Variants in BPIFB2 observed in about 807,000 individuals in gnomAD.
The protein encoded by BPIFB2 is BPI fold-containing family B member 2.
BPIFB2 carries 39 observed loss-of-function variants against 50.1 expected under a neutral mutation model. The observed-to-expected ratio is 0.78, with a 90% CI of 0.60 to 1.02. BPIFB2 has a LOEUF of 1.02. BPIFB2 is among the 50% of genes least tolerant of loss of function. The pLI, the probability that BPIFB2 is intolerant of heterozygous loss-of-function variation, is 0.00. For missense variants in BPIFB2, 574 were observed against 585.8 expected (o/e 0.98, Z 0.21); for synonymous variants, 280 against 256.3 (o/e 1.09, Z -0.88).
chr20:33,013,316 T>TA (rs1163585376), intron 4 of BPIFB2, among the ~76,000 whole-genome samples: 1 of 152,182 alleles, frequency 6.6e-6, no homozygotes, highest in Non-Finnish European at 1.5e-5. Flanking sequence ...TGGCATCTTG[T>TA]ATGTTACTGC....
chr20:33,010,247 C>A (rs954646269), intron 2 of BPIFB2, among the ~76,000 whole-genome samples: 1 of 152,214 alleles, frequency 6.6e-6, no homozygotes, highest in Admixed American at 6.5e-5. Flanking sequence ...CCAGGTCCCT[C>A]GGTCCAAAGC....
chr20:33,018,331 A>G lies in BPIFB2; in HGVS notation c.650A>G (p.Tyr217Cys), dbSNP rs924941142. The change falls in exon 8 of 16, where the codon TAC becomes TGC. Residue 217 changes from tyrosine to cysteine, a missense_variant. Transcript: ENST00000170150. ...MVSVPTVTSD[Y>C]ISLEVNAVLF... is the part of the protein sequence containing the mutation. ...AGTGTGCCCACTGTCACCAGTGACTACATTTCCCTGGAAGTCAATGTAAGT... is the reference window on the plus strand; with the variant it reads ...AGTGTGCCCACTGTCACCAGTGACTGCATTTCCCTGGAAGTCAATGTAAGT... The G allele has an allele frequency of 1.1e-5, 17 of 1,613,674 alleles. No homozygotes were observed. Among genetic ancestry groups the G allele is most frequent in the Non-Finnish European group, 1.4e-5 (16 of 1,179,734 alleles).
rs200556161 is a variant in BPIFB2 at position 33,019,760 on chromosome 20, G to T, written c.1080+10G>T. The T allele has an allele frequency of 3.8e-6, 6 of 1,579,756 alleles. No individual in the cohort carries two copies. The Admixed American group carries it at 1.1e-4, about 28-fold the overall frequency. On this transcript the variant is annotated intron_variant, in intron 11 of 15. Coordinates refer to ENST00000170150, the MANE Select transcript of BPIFB2 (RefSeq NM_025227.3). ...CTTCTCCCTGGATGTGGTGAGTGCG[G>T]TGGGGCTGGTCGGAAGGCAGGCAAC...
At chr20:33,022,318 C>T (rs1444544006) in intron 15 of BPIFB2, among the ~76,000 whole-genome samples, 2 of 152,162 alleles carry the variant, frequency 1.3e-5, no homozygotes, top group Non-Finnish European at 2.9e-5. Context: ...AAAGCTGAAC[C>T]CAGGTCTCTC....
At position 33,011,057 on chromosome 20, in the gene BPIFB2, C is replaced by G. The variant is rs576525051; in HGVS notation, c.143C>G (p.Ala48Gly). 6.2e-7 allele frequency: 1 copy of G among 1,614,034 alleles called. No individual in the cohort carries two copies. Among genetic ancestry groups the G allele is most frequent in the Admixed American group, 1.7e-5 (1 of 60,020 alleles). Reference protein sequence around the residue: ...SEIGKAPLQRALQVTVPHFLD... With the variant: ...SEIGKAPLQRGLQVTVPHFLD... ...ATTGGGAAAGCCCCTCTCCAGCGGG[C>G]CCTGCAGGTCACTGTCCCTCATTTC... The change falls in exon 3 of 16, where the codon GCC becomes GGC. Residue 48 changes from alanine (A) to glycine (G), a missense_variant. Physicochemically the swap from Ala to Gly is moderately conservative, Grantham distance 60 (BLOSUM62 0). Coordinates refer to ENST00000170150, the MANE Select transcript of BPIFB2 (RefSeq NM_025227.3).
rs910838117 is a variant in BPIFB2, at chr20:33,020,712, T to A, written c.1194+125T>A. 5 of 1,144,096 alleles carry A rather than the reference T, an allele frequency of 4.4e-6. No homozygotes were observed. In the African/African-American group the frequency reaches 7.8e-5, roughly 18 times the overall value. The allele number at this position is 1,144,096 out of a possible 1,614,324, so 70.9% of individuals were successfully genotyped here. A position where few individuals can be genotyped will look rare whatever the true frequency, so the allele number is the denominator to read the frequency against. ...CTGTGTGTGCCACTATAGTCAGGCT[T>A]CCCCGGGCTGCTTGGGGACAGTGGC... On this transcript the variant is annotated intron_variant, in intron 13 of 15. Coordinates refer to ENST00000170150, the MANE Select transcript of BPIFB2 (RefSeq NM_025227.3).
Position 33,018,276 on chromosome 20 carries a change from C to A in BPIFB2, c.595C>A (p.Pro199Thr), listed in dbSNP as rs746264484. The change falls in exon 8 of 16, where the codon CCT (proline) becomes ACT (threonine). Residue 199 changes from proline to threonine, a missense_variant. Coordinates refer to ENST00000170150, the MANE Select transcript of BPIFB2 (RefSeq NM_025227.3). Reference protein sequence around the residue: ...GTLIGLNPVGPESQIRYSMVS... With the variant: ...GTLIGLNPVGTESQIRYSMVS... ...TCATGAAGGCCTCAACCCCGTGGGT[C>A]CTGAGTCCCAGATCCGCTATTCCAT... 92 of 1,613,734 alleles carry A rather than the reference C, an allele frequency of 5.7e-5. No individual in the cohort carries two copies. The highest frequency in any genetic ancestry group is 7.5e-5 in the Non-Finnish European group (89 of 1,179,790).
At chr20:33,010,424 CTGAG>C (rs1990269900) in intron 2 of BPIFB2, among the ~76,000 whole-genome samples, 1 of 152,242 alleles carries the variant, frequency 6.6e-6, no homozygotes, top group Admixed American at 6.5e-5. Context: ...TTGCTGTGCA[CTGAG>C]TGTTTACAAT....
At chr20:33,011,642 A>G (rs2146349544) in intron 3 of BPIFB2, among the ~76,000 whole-genome samples, 1 of 152,340 alleles carries the variant, frequency 6.6e-6, no homozygotes, top group East Asian at 1.9e-4. Context: ...GAGAAGATAT[A>G]CATCTAGAAT....
chr20:33,023,292 T>C (rs919064439), intron 15 of BPIFB2, 50 bp from the exon 16 acceptor site: 2 of 1,578,544 alleles, frequency 1.3e-6, no homozygotes, highest in Non-Finnish European at 1.7e-6. Flanking sequence ...GCGGCTGGGG[T>C]CCTGCCTGTG....
chr20:33,021,077 C>A (rs928496016), intron 13 of BPIFB2, among the ~76,000 whole-genome samples: 1 of 152,220 alleles, frequency 6.6e-6, no homozygotes, highest in African/African-American at 2.4e-5. Flanking sequence ...TGTGATCCTG[C>A]GAAGGCTGAG....
At position 33,011,109 on chromosome 20, in the gene BPIFB2, G is replaced by A. The variant is rs140851215; in HGVS notation, c.195G>A (p.Gln65=). The A allele has an allele frequency of 1.0e-4, 162 of 1,613,602 alleles. No individual in the cohort carries two copies. Among genetic ancestry groups the A allele is most frequent in the Middle Eastern group, 3.3e-4 (2 of 6,080 alleles). The change falls in exon 3 of 16, where the codon CAG becomes CAA. Residue 65 remains glutamine (Q), a synonymous_variant. Transcript: ENST00000170150. ...TGGACTGGAGTGGAGAGGCGCTTCA[G>A]CCCACCAGGTGAGTGCTCCCCTCCT... ...HFLDWSGEAL[Q]PTRIRILNVH...
Position 33,008,558 on chromosome 20 carries a change from C to A in BPIFB2, c.-17C>A, listed in dbSNP as rs760381008. 5.8e-6 allele frequency: 9 copies of A among 1,564,020 alleles called. No individual in the cohort carries two copies. Among genetic ancestry groups the A allele is most frequent in the Non-Finnish European group, 6.9e-6 (8 of 1,153,488 alleles). On this transcript the variant is annotated 5_prime_UTR_variant, in exon 2 of 16. Transcript: ENST00000170150. ...TACCCCAGCCCACAGATCCTGTGGG[C>A]AGCGGCCAGGGCAGCCATGGCTTGG... is the stretch of plus-strand genomic sequence containing the variant.
At chr20:33,015,591 C>T in intron 6 of BPIFB2, 95 bp downstream of exon 6, 2 of 1,049,778 alleles carry the variant, frequency 1.9e-6, no homozygotes, top group Admixed American at 2.8e-5. Flanking sequence ...GGGTACTTTG[C>T]TTGGGATTAA....
Position 33,018,303 on chromosome 20 carries a change from G to T in BPIFB2, c.622G>T (p.Val208Phe). ...GPESQIRYSM[V>F]SVPTVTSDYI... ...TGAGTCCCAGATCCGCTATTCCATG[G>T]TCAGTGTGCCCACTGTCACCAGTGA... Residue 208 changes from valine to phenylalanine, a missense_variant, in exon 8 of 16, where the codon GTC becomes TTC. Val to Phe is a conservative substitution (Grantham distance 50). Transcript: ENST00000170150. 6.2e-7 allele frequency: 1 copy of T among 1,614,038 alleles called. No individual in the cohort carries two copies.
rs1978760908 is a variant in BPIFB2, at chr20:33,023,535, C to A, written c.*152C>A. The A allele has an allele frequency of 2.5e-6, 2 of 807,900 alleles. No individual in the cohort carries two copies. The highest frequency in any genetic ancestry group is 2.0e-6 in the Non-Finnish European group (1 of 489,164). The allele number at this position is 807,900 out of a possible 1,614,324, so 50.0% of individuals were successfully genotyped here. The stretch of plus-strand genomic sequence containing the variant: ...TGGGCTGTTTTATCTTCCCTGAGTG[C>A]CTGGGTCTCCCTCCCTCACTTCTGC... On this transcript the variant is annotated 3_prime_UTR_variant, in exon 16 of 16. Coordinates refer to ENST00000170150, the MANE Select transcript of BPIFB2 (RefSeq NM_025227.3).
In BPIFB2 at chr20:33,021,481, A is replaced by C. The variant is rs1978669331; in HGVS notation, c.1258+137A>C. ...GGGGGCCTCTGGAGTCTAGCAGCCCATGTGTGCATGCCCCTTGGCACATAT... is the reference window on the plus strand; with the variant it reads ...GGGGGCCTCTGGAGTCTAGCAGCCCCTGTGTGCATGCCCCTTGGCACATAT... On this transcript the variant is annotated intron_variant, in intron 14 of 15. Coordinates refer to ENST00000170150, the MANE Select transcript of BPIFB2 (RefSeq NM_025227.3). 4 of 1,014,778 alleles carry C rather than the reference A, an allele frequency of 3.9e-6. No individual in the cohort carries two copies. The East Asian group carries it at 7.8e-5, about 20-fold the overall frequency. The allele number at this position is 1,014,778 out of a possible 1,614,324, so 62.9% of individuals were successfully genotyped here. A position where few individuals can be genotyped will look rare whatever the true frequency, so the allele number is the denominator to read the frequency against.
Position 33,021,805 on chromosome 20 carries a change from AG to A in BPIFB2, c.1335+7del, listed in dbSNP as rs759377032. 4 of 1,612,778 alleles carry A rather than the reference AG, an allele frequency of 2.5e-6. No individual in the cohort carries two copies. In the African/African-American group the frequency reaches 5.3e-5, roughly 22 times the overall value. On this transcript the variant is annotated splice_region_variant and intron_variant, in intron 15 of 15. Transcript: ENST00000170150. ...CTGAGATCTTTGTCTATGAGGTGAG[AG>A]CCTTTGGGTGTGACCAGAGGGGCCT...
chr20:33,010,978 G>A, intron 2 of BPIFB2, 46 bp from the exon 3 acceptor site: 1 of 1,526,536 alleles, frequency 6.6e-7, no homozygotes. Context: ...TTGCTACTTG[G>A]TGGTTCCCGA....
Sources: allele counts gnomAD v4.1 joint callset (sites outside exome capture counted in the v4.1 genomes callset), GRCh38; gene constraint gnomAD v4.1.1; transcripts MANE v1.5; gene names NCBI Gene and HGNC (gene_info 2026-07-23, HGNC 2026-07-21).